Variants in ACAD10 observed in about 807,000 individuals in gnomAD.
ACAD10 encodes acyl-CoA dehydrogenase family member 10, also known as ACAD-10.
A neutral mutation model predicts 116.8 loss-of-function variants in ACAD10; 112 were observed. That is an observed-to-expected ratio of 0.96 (90% confidence interval 0.82 to 1.12). The LOEUF (loss-of-function observed/expected upper bound fraction) is 1.12, where lower values mean the gene tolerates loss of function less well. Among genes scored for constraint, ACAD10 ranks in the 50% most tolerant of loss-of-function variants. The pLI is 0.00. For synonymous variants in ACAD10, 486 were observed against 510.6 expected (o/e 0.95, Z 0.65); for missense variants, 1,259 against 1,350.2 (o/e 0.93, Z 1.06).
At position 111,690,288 on chromosome 12, in the gene ACAD10, A is replaced by G. The variant is rs540019470; in HGVS notation, c.-13-2409A>G. 8.5e-5 allele frequency among the ~76,000 whole-genome samples: 13 copies of G among 152,272 alleles called. No homozygotes were observed. The South Asian group carries it at 2.3e-3, about 27-fold the overall frequency. ...AAACATGAAATTCACTTATATATAT[A>G]TGTTTCATATATATCTTATACACCT... is the stretch of plus-strand genomic sequence containing the variant. On this transcript the variant is annotated intron_variant, in intron 1 of 20. Transcript: ENST00000313698.
chr12:111,721,683 C>T lies in ACAD10; in HGVS notation c.1005C>T (p.Ala335=), dbSNP rs745832847. Residue 335 remains alanine (A), a synonymous_variant, in exon 8 of 21, where the codon GCC becomes GCT. Coordinates refer to ENST00000313698, the MANE Select transcript of ACAD10 (RefSeq NM_025247.6). The stretch of plus-strand genomic sequence containing the variant: ...TTTGTCCTTGCAGGATTATGAAAGC[C>T]CTTGCAAATGCTGGAGTACCTGTCC... ...AIEREFRIMK[A]LANAGVPVPN... is the part of the protein sequence containing the mutation. The T allele has an allele frequency of 1.2e-6, 2 of 1,604,324 alleles. No homozygotes were observed. Among genetic ancestry groups the T allele is most frequent in the African/African-American group, 2.7e-5 (2 of 74,944 alleles).
chr12:111,725,814 A>T (rs543889391), intron 8 of ACAD10, among the ~76,000 whole-genome samples: 44 of 151,924 alleles, frequency 2.9e-4, no homozygotes, highest in Non-Finnish European at 5.6e-4. Context: ...GATTACAGGT[A>T]TGAGCCACTG....
chr12:111,728,716 G>GTC (rs1046698648), intron 9 of ACAD10, among the ~76,000 whole-genome samples: 8 of 152,056 alleles, frequency 5.3e-5, no homozygotes, highest in African/African-American at 1.4e-4. Context: ...TTGAGACAGG[G>GTC]TCTCTCTCTG....
intron 3 of ACAD10, among the ~76,000 whole-genome samples, chr12:111,703,215 G>T (rs907295546): frequency 4.6e-5 from 7 of 152,050 alleles, no homozygotes; most frequent in Admixed American, 2.6e-4. Context: ...TGGGGGCAAA[G>T]GTTTTAGAGC....
At position 111,736,909 on chromosome 12, in the gene ACAD10, G is replaced by A; in HGVS notation, c.1619G>A (p.Gly540Glu). 6.2e-7 allele frequency: 1 copy of A among 1,614,112 alleles called. No homozygotes were observed. The highest frequency in any genetic ancestry group is 8.5e-7 in the Non-Finnish European group (1 of 1,180,024). ...TTCAGGATGTACTGTCTCCAAATGG[G>A]GCTCCCTCCCACTGAGAACTGGAAC... Reference protein sequence around the residue: ...EYFRMYCLQMGLPPTENWNFY... With the variant: ...EYFRMYCLQMELPPTENWNFY... The change falls in exon 12 of 21, where the codon GGG (glycine) becomes GAG (glutamate). Residue 540 changes from glycine to glutamate, a missense_variant. Physicochemically the swap from Gly to Glu is moderately conservative, Grantham distance 98. Coordinates refer to ENST00000313698, the MANE Select transcript of ACAD10 (RefSeq NM_025247.6).
chr12:111,727,907 A>G, intron 8 of ACAD10, 55 bp from the exon 9 acceptor site: 1 of 1,529,476 alleles, frequency 6.5e-7, no homozygotes, highest in South Asian at 1.3e-5. Flanking sequence ...GTCATGACTA[A>G]CAGCCTGCCA....
intron 18 of ACAD10, among the ~76,000 whole-genome samples, chr12:111,751,351 C>A (rs1472789743): frequency 6.6e-6 from 1 of 152,122 alleles, no homozygotes; most frequent in South Asian, 2.1e-4. Context: ...GGTGACACTC[C>A]CAGCACTCTG....
chr12:111,750,501 G>A (rs1890045454), intron 18 of ACAD10, among the ~76,000 whole-genome samples: 1 of 152,132 alleles, frequency 6.6e-6, no homozygotes. Context: ...CAGAAGGATC[G>A]CTTGAGCCCA....
chr12:111,714,733 A>C (rs1004169031), intron 6 of ACAD10, among the ~76,000 whole-genome samples: 1 of 148,902 alleles, frequency 6.7e-6, no homozygotes, highest in Admixed American at 6.7e-5. Context: ...TTTTTTTGAG[A>C]TGGAGTTTTG....
In ACAD10 at chr12:111,736,977, C is replaced by T. The variant is rs754674188; in HGVS notation, c.1687C>T (p.Gln563Ter). 13 of 1,613,818 alleles carry T rather than the reference C, an allele frequency of 8.1e-6. No individual in the cohort carries two copies. Among genetic ancestry groups the T allele is most frequent in the African/African-American group, 1.3e-5 (1 of 74,972 alleles). Residue 563 changes from glutamine (Q) to a stop codon, truncating the protein, a stop_gained, in exon 12 of 21, where the codon CAG becomes TAG. Coordinates refer to ENST00000313698, the MANE Select transcript of ACAD10 (RefSeq NM_025247.6). LOFTEE classifies it high-confidence loss of function. ...CTTTTTCCGTGTGGCTGCAATCCTA[C>T]AGGGAGTCTACAAGCGATCACTCAC... Reference protein sequence around the residue: ...FSFFRVAAILQGVYKRSLTGQ... With the variant: ...FSFFRVAAIL
chr12:111,723,396 G>C (rs868565106), intron 8 of ACAD10, among the ~76,000 whole-genome samples: 1 of 137,698 alleles, frequency 7.3e-6, no homozygotes, highest in Admixed American at 6.9e-5. Context: ...CCTCCCGGAC[G>C]GGGCGGCTGG....
At chr12:111,738,885 TTAAA>T (rs1471817806) in intron 12 of ACAD10, among the ~76,000 whole-genome samples, 5 of 150,484 alleles carry the variant, frequency 3.3e-5, no homozygotes, top group African/African-American at 9.8e-5. Flanking sequence ...AAAATAAAAA[TTAAA>T]TAAATAAGTC....
intron 1 of ACAD10, among the ~76,000 whole-genome samples, chr12:111,691,805 A>G (rs7977719): frequency 0.015 from 2,329 of 152,168 alleles, 70 homozygotes; most frequent in African/African-American, 0.053. Flanking sequence ...CATGTTGGCC[A>G]GGCTGGTTTC....
At chr12:111,730,940 A>G (rs1889369479) in intron 10 of ACAD10, among the ~76,000 whole-genome samples, 1 of 152,040 alleles carries the variant, frequency 6.6e-6, no homozygotes, top group East Asian at 1.9e-4. Flanking sequence ...TTGGTAATCC[A>G]AAAATACAAT....
At position 111,692,698 on chromosome 12, in the gene ACAD10, C is replaced by G; in HGVS notation, c.-12C>G. 6.8e-6 allele frequency: 11 copies of G among 1,611,796 alleles called. No homozygotes were observed. Among genetic ancestry groups the G allele is most frequent in the Non-Finnish European group, 9.3e-6 (11 of 1,179,110 alleles). Reference sequence around the variant, plus strand: ...GCCCTGTGCCTTCTTCCCACACAGCCTCAGCCTCACCATGTGTGTCAGGAG... The same window carrying G: ...GCCCTGTGCCTTCTTCCCACACAGCGTCAGCCTCACCATGTGTGTCAGGAG... On this transcript the variant is annotated splice_region_variant and 5_prime_UTR_variant, in exon 2 of 21. Coordinates refer to ENST00000313698, the MANE Select transcript of ACAD10 (RefSeq NM_025247.6).
intron 8 of ACAD10, among the ~76,000 whole-genome samples, chr12:111,723,831 G>T (rs1411081395): frequency 5.9e-5 from 9 of 151,422 alleles, no homozygotes; most frequent in African/African-American, 1.7e-4. Context: ...CTTCTCAGAC[G>T]GGGCGGTTGC....
rs774116694 is a variant in ACAD10 at position 111,756,315 on chromosome 12, C to A, written c.3040-18C>A. ...AGGGCTGACCCAGGGCCGCCTCCCT[C>A]CACTCTGTGTCTGCCAGGCCTTTGG... On this transcript the variant is annotated intron_variant, in intron 20 of 20. Coordinates refer to ENST00000313698, the MANE Select transcript of ACAD10 (RefSeq NM_025247.6). 6.3e-7 allele frequency: 1 copy of A among 1,578,476 alleles called. No individual in the cohort carries two copies. The highest frequency in any genetic ancestry group is 8.6e-7 in the Non-Finnish European group (1 of 1,165,950).
chr12:111,737,669 C>G (rs760373917), intron 12 of ACAD10, among the ~76,000 whole-genome samples: 4 of 152,088 alleles, frequency 2.6e-5, no homozygotes, highest in Non-Finnish European at 5.9e-5. Context: ...CCTGGGCCCT[C>G]CAGTTTTTCT....
At chr12:111,737,082 CAG>C in intron 12 of ACAD10, 78 bp downstream of exon 12, 3 of 1,474,376 alleles carry the variant, frequency 2.0e-6, no homozygotes, top group Non-Finnish European at 9.3e-7. Context: ...GAAACCCTCT[CAG>C]GGCCACAGAG....
Sources: allele counts gnomAD v4.1 joint callset (sites outside exome capture counted in the v4.1 genomes callset), GRCh38; gene constraint gnomAD v4.1.1; transcripts MANE v1.5; gene names NCBI Gene and HGNC (gene_info 2026-07-23, HGNC 2026-07-21).